LHFPL2: variants seen among roughly 807,000 people sequenced by gnomAD.
LHFPL2 encodes LHFPL tetraspan subfamily member 2.
A neutral mutation model predicts 17.5 loss-of-function variants in LHFPL2; 7 were observed. The ratio of observed to expected loss-of-function variants is 0.40; its 90% CI spans 0.23 to 0.75. The LOEUF (loss-of-function observed/expected upper bound fraction) is 0.75, where lower values mean the gene tolerates loss of function less well. Ranked by LOEUF, LHFPL2 falls within the 30% of genes least tolerant of loss-of-function variation. The pLI, the probability that LHFPL2 is intolerant of heterozygous loss-of-function variation, is 0.37. For missense variants in LHFPL2, 241 were observed against 294.8 expected, an observed-to-expected ratio of 0.82 and a Z score of 1.34; for synonymous variants, 134 against 116.2, an observed-to-expected ratio of 1.15 and a Z score of -0.99.
intron 4 of LHFPL2, among the ~76,000 whole-genome samples, chr5:78,509,295 C>G (rs1755028555): frequency 6.6e-6 from 1 of 152,300 alleles, no homozygotes; most frequent in East Asian, 1.9e-4. Context: ...CCCACCCAAG[C>G]TGAAATCATC....
intron 3 of LHFPL2, among the ~76,000 whole-genome samples, chr5:78,536,578 G>T (rs1454075987): frequency 6.6e-6 from 1 of 152,176 alleles, no homozygotes; most frequent in African/African-American, 2.4e-5. Context: ...TTACCTCACA[G>T]TTTCCACATC....
At chr5:78,558,545 T>G (rs1347693713) in intron 3 of LHFPL2, among the ~76,000 whole-genome samples, 1 of 152,118 alleles carries the variant, frequency 6.6e-6, no homozygotes, top group Non-Finnish European at 1.5e-5. Context: ...TCTTGCTATG[T>G]GGCCCAGGCT....
At chr5:78,609,406 G>T (rs190417294) in intron 2 of LHFPL2, among the ~76,000 whole-genome samples, 1 of 129,358 alleles carries the variant, frequency 7.7e-6, no homozygotes, top group Non-Finnish European at 1.5e-5. Context: ...AGCCGAGATC[G>T]AGCCACTGCA....
intron 4 of LHFPL2, among the ~76,000 whole-genome samples, chr5:78,508,169 A>C (rs1754991910): frequency 6.6e-6 from 1 of 152,212 alleles, no homozygotes; most frequent in Non-Finnish European, 1.5e-5. Flanking sequence ...TAAGCCTAAA[A>C]AGTCCAAAGG....
intron 4 of LHFPL2, among the ~76,000 whole-genome samples, chr5:78,500,828 T>A: frequency 6.6e-6 from 1 of 152,174 alleles, no homozygotes; most frequent in Non-Finnish European, 1.5e-5. Flanking sequence ...TCTGAAGTGA[T>A]TCTTCAGATG....
At chr5:78,627,511 TCTC>T (rs1745091457) in intron 2 of LHFPL2, among the ~76,000 whole-genome samples, 2 of 152,100 alleles carry the variant, frequency 1.3e-5, no homozygotes, top group East Asian at 1.9e-4. Flanking sequence ...CCTTTATTGC[TCTC>T]CTCCTCATCC....
chr5:78,570,650 G>A (rs575951523), intron 2 of LHFPL2, among the ~76,000 whole-genome samples: 57 of 143,662 alleles, frequency 4.0e-4, no homozygotes, highest in Admixed American at 2.2e-3. Flanking sequence ...ATATATATAC[G>A]TATATATATA....
chr5:78,560,266 T>C (rs1043216216), intron 3 of LHFPL2, among the ~76,000 whole-genome samples: 1 of 152,236 alleles, frequency 6.6e-6, no homozygotes, highest in Non-Finnish European at 1.5e-5. Flanking sequence ...GAAACAAACA[T>C]ACTGATAACC....
chr5:78,506,896 A>G (rs964652139), intron 4 of LHFPL2, among the ~76,000 whole-genome samples: 10 of 152,230 alleles, frequency 6.6e-5, no homozygotes, highest in African/African-American at 2.4e-4. Flanking sequence ...GAGATGCTGC[A>G]TAAGTAACAG....
chr5:78,584,993 G>GTTTTTTTTTTTTTTTTTTT (rs1561352310), intron 2 of LHFPL2, among the ~76,000 whole-genome samples: 1 of 84,758 alleles, frequency 1.2e-5, no homozygotes, highest in African/African-American at 5.0e-5. Context: ...CTGGTGCGCT[G>GTTTTTTTTTTTTTTTTTTT]TGTTTTTTTT....
intron 3 of LHFPL2, among the ~76,000 whole-genome samples, chr5:78,545,625 G>A (rs750703893): frequency 3.4e-4 from 52 of 152,304 alleles, no homozygotes; most frequent in African/African-American, 1.1e-3. Context: ...CGTGGAGGCC[G>A]ATCATTCGAG....
intron 1 of LHFPL2, among the ~76,000 whole-genome samples, chr5:78,634,504 C>T (rs185442701): frequency 1.4e-4 from 22 of 152,248 alleles, no homozygotes; most frequent in African/African-American, 5.1e-4. Context: ...TATGGTCCCA[C>T]GCCTCCAAAG....
At chr5:78,495,660 G>T (rs7724170) in intron 4 of LHFPL2, among the ~76,000 whole-genome samples, 26 of 152,274 alleles carry the variant, frequency 1.7e-4, no homozygotes, top group African/African-American at 6.0e-4. Flanking sequence ...TTACTAAGTC[G>T]AAATCAAACA....
chr5:78,534,511 T>A (rs1755885193), intron 3 of LHFPL2, among the ~76,000 whole-genome samples: 1 of 152,156 alleles, frequency 6.6e-6, no homozygotes, highest in Non-Finnish European at 1.5e-5. Flanking sequence ...TCCACCGCCC[T>A]CCCCAGCGCT....
At chr5:78,562,443 T>G (rs1300685475) in intron 3 of LHFPL2, among the ~76,000 whole-genome samples, 1 of 152,044 alleles carries the variant, frequency 6.6e-6, no homozygotes, top group African/African-American at 2.4e-5. Flanking sequence ...GAAAGCAAGA[T>G]CACCAACATG....
chr5:78,622,776 G>A (rs538372308), intron 2 of LHFPL2, among the ~76,000 whole-genome samples: 1 of 152,196 alleles, frequency 6.6e-6, no homozygotes, highest in African/African-American at 2.4e-5. Flanking sequence ...CTACAGAAAA[G>A]GCATGCTCTT....
intron 2 of LHFPL2, among the ~76,000 whole-genome samples, chr5:78,585,619 T>C (rs925293069): frequency 4.1e-4 from 62 of 152,156 alleles, no homozygotes; most frequent in African/African-American, 1.4e-3. Context: ...TATTCAGCCA[T>C]CTTGGCTCCT....
chr5:78,497,436 T>G (rs1217655027), intron 4 of LHFPL2, among the ~76,000 whole-genome samples: 2 of 151,906 alleles, frequency 1.3e-5, no homozygotes, highest in African/African-American at 4.8e-5. Flanking sequence ...TTTAACATAC[T>G]ATATAGTTTA....
chr5:78,511,064 T>G (rs931315421), intron 3 of LHFPL2, among the ~76,000 whole-genome samples: 3 of 151,890 alleles, frequency 2.0e-5, no homozygotes, highest in Admixed American at 6.6e-5. Context: ...CACAGGGTGA[T>G]TTTTAGACAA....
Sources: allele counts gnomAD v4.1 joint callset (sites outside exome capture counted in the v4.1 genomes callset), GRCh38; gene constraint gnomAD v4.1.1; transcripts MANE v1.5; gene names NCBI Gene and HGNC (gene_info 2026-07-23, HGNC 2026-07-21).